Variants in NELL1 observed in about 807,000 individuals in gnomAD.
NELL1 encodes neural EGFL like 1.
NELL1 carries 76 observed loss-of-function variants against 107.4 expected under a neutral mutation model. The observed-to-expected ratio is 0.71, with a 90% CI of 0.59 to 0.86. The LOEUF is 0.86. NELL1 is among the 40% of genes least tolerant of loss of function. NELL1 has a pLI of 0.00. For missense variants in NELL1, 1,024 were observed against 1,005.5 expected, an observed-to-expected ratio of 1.02 and a Z score of -0.25; for synonymous variants, 353 against 341.2, an observed-to-expected ratio of 1.03 and a Z score of -0.38.
At chr11:20,881,629 GC>G (rs1438022055) in intron 4 of NELL1, among the ~76,000 whole-genome samples, 1 of 152,280 alleles carries the variant, frequency 6.6e-6, no homozygotes, top group East Asian at 1.9e-4. Context: ...TGCTCTTTCA[GC>G]TCCACTTTAT....
chr11:20,874,559 T>C (rs557426716), intron 4 of NELL1, among the ~76,000 whole-genome samples: 1 of 152,266 alleles, frequency 6.6e-6, no homozygotes, highest in South Asian at 2.1e-4. Flanking sequence ...GATTATAAAG[T>C]CTGTAAACTT....
intron 13 of NELL1, among the ~76,000 whole-genome samples, chr11:21,163,988 G>A (rs1357914229): frequency 6.6e-6 from 1 of 152,066 alleles, no homozygotes; most frequent in African/African-American, 2.4e-5. Flanking sequence ...AGAAAAGGAA[G>A]ATACACCAGG....
chr11:21,401,559 A>T (rs921774331), intron 15 of NELL1, among the ~76,000 whole-genome samples: 1 of 150,576 alleles, frequency 6.6e-6, no homozygotes, highest in Non-Finnish European at 1.5e-5. Context: ...TGACACAAAA[A>T]TGAGGCAGGG....
At chr11:21,203,557 A>G (rs2133851182) in intron 13 of NELL1, among the ~76,000 whole-genome samples, 1 of 149,466 alleles carries the variant, frequency 6.7e-6, no homozygotes, top group South Asian at 2.1e-4. Context: ...ATGGGTCTTG[A>G]CTTTATCCAA....
chr11:21,364,456 T>G (rs1325705611), intron 14 of NELL1, among the ~76,000 whole-genome samples: 1 of 143,062 alleles, frequency 7.0e-6, no homozygotes, highest in Non-Finnish European at 1.5e-5. Context: ...TCCCCTATCC[T>G]ATCACAAAAT....
At chr11:21,491,346 C>A (rs1218302064) in intron 15 of NELL1, among the ~76,000 whole-genome samples, 2 of 152,166 alleles carry the variant, frequency 1.3e-5, no homozygotes, top group African/African-American at 4.8e-5. Flanking sequence ...ACGTTTAAGT[C>A]TTTAATCCAT....
intron 15 of NELL1, among the ~76,000 whole-genome samples, chr11:21,436,602 A>G (rs1853128909): frequency 6.6e-6 from 1 of 151,816 alleles, no homozygotes; most frequent in South Asian, 2.1e-4. Context: ...CATTTTGTTT[A>G]TTTTTAAATA....
chr11:20,755,865 GTTTTTTTTTTTTTTTTTTTTTTTTTTTT>G (rs574606148), intron 2 of NELL1, among the ~76,000 whole-genome samples: 41 of 122,084 alleles, frequency 3.4e-4, no homozygotes, highest in African/African-American at 1.2e-3. Flanking sequence ...CAGACCTGCG[GTTTTTTTTTTTTTTTTTTTTTTTTTTTT>G]TTTTTTTTTT....
chr11:21,089,121 G>A (rs1342167805), intron 12 of NELL1, among the ~76,000 whole-genome samples: 1 of 152,160 alleles, frequency 6.6e-6, no homozygotes, highest in Non-Finnish European at 1.5e-5. Flanking sequence ...TAATTGCTTA[G>A]AGTAAAGCAA....
rs1233847156 is a variant in NELL1, at chr11:21,573,267, C to T, written c.2240C>T (p.Pro747Leu). ...YTAILEGECC[P>L]RCVSDPCLAD... is the part of the protein sequence containing the mutation. ...GCTATCTTAGAAGGGGAATGTTGTC[C>T]CCGCTGTGTCAGTGACCCCTGCCTA... Residue 747 changes from proline to leucine, a missense_variant, in exon 19 of 20, where the codon CCC becomes CTC. Pro to Leu is a moderately conservative substitution (Grantham distance 98). Transcript: ENST00000357134. The T allele has an allele frequency of 1.9e-6, 3 of 1,612,350 alleles. No individual in the cohort carries two copies. The highest frequency in any genetic ancestry group is 3.3e-5 in the Admixed American group (2 of 59,816).
At chr11:21,065,007 A>G (rs1853833803) in intron 12 of NELL1, among the ~76,000 whole-genome samples, 1 of 152,206 alleles carries the variant, frequency 6.6e-6, no homozygotes, top group African/African-American at 2.4e-5. Context: ...GTAGAGTTTA[A>G]TGATACAGTG....
At chr11:20,726,744 C>A (rs1855516955) in intron 2 of NELL1, among the ~76,000 whole-genome samples, 1 of 151,890 alleles carries the variant, frequency 6.6e-6, no homozygotes, top group Non-Finnish European at 1.5e-5. Flanking sequence ...TGTCCCTCCC[C>A]CATCCCCCCA....
At chr11:21,184,623 A>G (rs1003173929) in intron 13 of NELL1, among the ~76,000 whole-genome samples, 1 of 151,918 alleles carries the variant, frequency 6.6e-6, no homozygotes, top group Non-Finnish European at 1.5e-5. Flanking sequence ...CTCATTTTTC[A>G]AGATGTAAGT....
intron 2 of NELL1, among the ~76,000 whole-genome samples, chr11:20,762,158 T>C (rs1856435313): frequency 6.6e-6 from 1 of 152,228 alleles, no homozygotes; most frequent in African/African-American, 2.4e-5. Context: ...TTTGGTTTTT[T>C]ATTTGTTCCC....
At chr11:21,549,910 A>G (rs917990840) in intron 16 of NELL1, among the ~76,000 whole-genome samples, 1 of 150,572 alleles carries the variant, frequency 6.6e-6, no homozygotes, top group African/African-American at 2.5e-5. Context: ...TTAGAGGGTG[A>G]ATAAAAGAGT....
At chr11:21,516,326 G>A (rs547375391) in intron 15 of NELL1, among the ~76,000 whole-genome samples, 7 of 152,258 alleles carry the variant, frequency 4.6e-5, no homozygotes, top group African/African-American at 1.4e-4. Flanking sequence ...TATAATTTTA[G>A]CATCTAGCAG....
chr11:20,852,915 G>T (rs1157677100), intron 4 of NELL1, among the ~76,000 whole-genome samples: 1 of 152,204 alleles, frequency 6.6e-6, no homozygotes, highest in Non-Finnish European at 1.5e-5. Flanking sequence ...ATGTGGTAAG[G>T]CAGTCAGTAT....
intron 11 of NELL1, among the ~76,000 whole-genome samples, chr11:20,949,384 G>T (rs1465283374): frequency 6.6e-6 from 1 of 152,154 alleles, no homozygotes; most frequent in Admixed American, 6.5e-5. Context: ...TGCTTTCATG[G>T]CTATATTATC....
intron 14 of NELL1, among the ~76,000 whole-genome samples, chr11:21,309,279 TGTA>T (rs1849683183): frequency 1.2e-4 from 2 of 16,566 alleles, no homozygotes; most frequent in South Asian, 1.5e-3. Context: ...TATATATATA[TGTA>T]TATATATATA....
Sources: gnomAD v4.1 joint callset for allele counts (sites outside exome capture counted in the v4.1 genomes callset) on GRCh38, gnomAD v4.1.1 for gene constraint, MANE v1.5 for transcripts, NCBI Gene and HGNC (gene_info 2026-07-23, HGNC 2026-07-21) for gene names.